STAB1: variants seen among roughly 807,000 people sequenced by gnomAD.
STAB1 encodes stabilin-1.
Under a neutral mutation model 332.4 loss-of-function variants are expected in STAB1, and 250 were observed. The ratio of observed to expected loss-of-function variants is 0.75; its 90% CI spans 0.68 to 0.84. The LOEUF (loss-of-function observed/expected upper bound fraction) is 0.84. Ranked by LOEUF, STAB1 falls within the 40% of genes least tolerant of loss-of-function variation. The pLI is 0.00. For synonymous variants in STAB1, 1,475 were observed against 1,390.4 expected, an observed-to-expected ratio of 1.06 and a Z score of -1.35; for missense variants, 3,249 against 3,489.7, an observed-to-expected ratio of 0.93 and a Z score of 1.74.
rs772925206 is a variant in STAB1, at chr3:52,522,027, C to T, written c.6272-10C>T. On this transcript the variant is annotated splice_polypyrimidine_tract_variant and intron_variant, in intron 58 of 68. Transcript: ENST00000321725. ...GTCACTAGGTCCAACCACTCCCTCC[C>T]TGCCCTCAGTGGCAGACCTGTGCCA... is the stretch of plus-strand genomic sequence containing the variant. 1.9e-6 allele frequency: 3 copies of T among 1,612,900 alleles called. No homozygotes were observed. The highest frequency in any genetic ancestry group is 2.7e-5 in the African/African-American group (2 of 74,938).
rs1240451957 is a variant in STAB1, at chr3:52,520,206, C to T, written c.5415C>T (p.Ala1805=). ...LRGHMIRNVE[A]LASDLPNLGP... is the part of the protein sequence containing the mutation. ...CAACCATGACTCCACTTGCTCAGGC[C>T]TTGGCATCTGACCTGCCCAACCTGG... Residue 1805 remains alanine (A), a splice_region_variant and synonymous_variant, in exon 52 of 69, where the codon GCC becomes GCT. Coordinates refer to ENST00000321725, the MANE Select transcript of STAB1 (RefSeq NM_015136.3). 6 of 1,613,084 alleles carry T rather than the reference C, an allele frequency of 3.7e-6. No homozygotes were observed. In the East Asian group the frequency reaches 1.1e-4, roughly 30 times the overall value.
In STAB1 at chr3:52,516,648, G is replaced by A. The variant is rs187563931; in HGVS notation, c.4287-44G>A. ...GCGGGGAGCCTGGGGGTCAAGGCAC[G>A]ACTGGACAGGCATGGGCTAAGCTGC... On this transcript the variant is annotated intron_variant, in intron 40 of 68. Transcript: ENST00000321725. The A allele has an allele frequency of 1.5e-4, 236 of 1,612,316 alleles. 1 individual carries two copies. In the East Asian group the frequency reaches 1.5e-3, roughly 10 times the overall value.
Position 52,518,766 on chromosome 3 carries a change from G to T in STAB1, c.4931G>T (p.Arg1644Leu), listed in dbSNP as rs372853226. 1 of 1,612,536 alleles carries T rather than the reference G, an allele frequency of 6.2e-7. No homozygotes were observed. Among genetic ancestry groups the T allele is most frequent in the Admixed American group, 1.7e-5 (1 of 59,988 alleles). The change falls in exon 48 of 69, where the codon CGC (arginine) becomes CTC (leucine). Residue 1644 changes from arginine to leucine, a missense_variant. Arg to Leu is a moderately radical substitution (Grantham distance 102). Coordinates refer to ENST00000321725, the MANE Select transcript of STAB1 (RefSeq NM_015136.3). Reference protein sequence around the residue: ...RIRAHRQLVFRYHVVGCRRLR... With the variant: ...RIRAHRQLVFLYHVVGCRRLR... ...CGTGCGCATCGCCAGCTGGTGTTTC[G>T]CTACCACGTGGTTGGCTGTCGGCGG...
In STAB1 at chr3:52,522,285, G is replaced by A. The variant is rs770922183; in HGVS notation, c.6466-45G>A. The A allele has an allele frequency of 1.1e-5, 17 of 1,611,304 alleles. No homozygotes were observed. In the South Asian group the frequency reaches 1.1e-4, roughly 10 times the overall value. On this transcript the variant is annotated intron_variant, in intron 59 of 68. Coordinates refer to ENST00000321725, the MANE Select transcript of STAB1 (RefSeq NM_015136.3). ...GGTGGGGAGGCCTGGCAGAACTTCC[G>A]ACCTCTGAAGGGTGAAGGGCGCCCA...
chr3:52,506,817 G>A lies in STAB1; in HGVS notation c.1956G>A (p.Lys652=), dbSNP rs745746238. 7.4e-6 allele frequency: 12 copies of A among 1,613,058 alleles called. No individual in the cohort carries two copies. The East Asian group carries it at 2.5e-4, about 33-fold the overall frequency. The change falls in exon 18 of 69, where the codon AAG becomes AAA. Residue 652 remains lysine, a synonymous_variant. Transcript: ENST00000321725. The part of the protein sequence containing the change: ...LPPTILPILP[K]HCSEEQHKIV... ...CGACCATCCTGCCCATCCTGCCCAA[G>A]CACTGCAGCGAGGAGCAGCACAAGA...
Position 52,516,154 on chromosome 3 carries a change from G to A in STAB1, c.4060G>A (p.Gly1354Arg), listed in dbSNP as rs372115462. Residue 1354 changes from glycine (G) to arginine (R), a missense_variant, in exon 38 of 69, where the codon GGG (glycine) becomes AGG (arginine). By Grantham distance (125) the Gly-to-Arg change is moderately radical. Transcript: ENST00000321725. ...GQCQDRFLGS[G>R]ECHCHEGFHG... ...GTGCCAGGACAGGTTCCTGGGCAGC[G>A]GGGAGTGCCACTGCCACGAGGGCTT... 27 of 1,612,254 alleles carry A rather than the reference G, an allele frequency of 1.7e-5. No homozygotes were observed. The highest frequency in any genetic ancestry group is 2.2e-5 in the East Asian group (1 of 44,882).
intron 47 of STAB1, 49 bp downstream of exon 47, chr3:52,518,662 T>C (rs375732221): frequency 3.7e-6 from 6 of 1,611,436 alleles, no homozygotes; most frequent in Non-Finnish European, 5.1e-6. Context: ...GCTCTGGTGG[T>C]GGCCCTGCGT....
At chr3:52,518,226 C>T in intron 45 of STAB1, 86 bp from the exon 46 acceptor site, 1 of 1,591,316 alleles carries the variant, frequency 6.3e-7, no homozygotes, top group Non-Finnish European at 8.6e-7. Flanking sequence ...TCTGCCTTGG[C>T]TAGACCTTGG....
At chr3:52,511,845 C>A in intron 26 of STAB1, 100 bp downstream of exon 26, 2 of 930,638 alleles carry the variant, frequency 2.1e-6, no homozygotes, top group African/African-American at 1.7e-5. Flanking sequence ...TCTCTCTGTA[C>A]CCCCTCAGGA....
Position 52,521,551 on chromosome 3 carries a change from C to T in STAB1, c.6058+41C>T, listed in dbSNP as rs1423157978. On this transcript the variant is annotated intron_variant, in intron 56 of 68. Transcript: ENST00000321725. ...CTGCCCCACGGCCCGATTCCTTTGGCCCTTGTGGGCCAATCTTTATCTTCC... is the reference window on the plus strand; with the variant it reads ...CTGCCCCACGGCCCGATTCCTTTGGTCCTTGTGGGCCAATCTTTATCTTCC... 4 of 1,613,546 alleles carry T rather than the reference C, an allele frequency of 2.5e-6. No homozygotes were observed. The African/African-American group carries it at 4.0e-5, about 16-fold the overall frequency.
At position 52,523,555 on chromosome 3, in the gene STAB1, C is replaced by A. The variant is rs532988190; in HGVS notation, c.7269C>A (p.Asp2423Glu). 1.6e-4 allele frequency: 264 copies of A among 1,612,864 alleles called. 4 individuals carry two copies. The South Asian group carries it at 2.6e-3, about 16-fold the overall frequency. Reference protein sequence around the residue: ...LSLIISDAGPDNSSWAPVAPG... With the variant: ...LSLIISDAGPENSSWAPVAPG... ...TCATCATCAGTGACGCAGGCCCTGA[C>A]AACAGTTCCTGGGCCCCTGTGGTGA... Residue 2423 changes from aspartate to glutamate, a missense_variant, in exon 65 of 69, where the codon GAC becomes GAA. By Grantham distance (45) the Asp-to-Glu change is conservative. Coordinates refer to ENST00000321725, the MANE Select transcript of STAB1 (RefSeq NM_015136.3).
At position 52,509,260 on chromosome 3, in the gene STAB1, C is replaced by T. The variant is rs1709113526; in HGVS notation, c.2286C>T (p.Tyr762=). 2 of 1,613,520 alleles carry T rather than the reference C, an allele frequency of 1.2e-6. No homozygotes were observed. The highest frequency in any genetic ancestry group is 1.3e-5 in the African/African-American group (1 of 75,066). ...GNGACLCFPD[Y]KGIACHICSN... The stretch of plus-strand genomic sequence containing the variant: ...GGGCCTGCCTCTGCTTCCCAGACTA[C>T]AAGGGCATCGCCTGCCACATCTGCT... Residue 762 remains tyrosine, a synonymous_variant, in exon 22 of 69, where the codon TAC becomes TAT. Transcript: ENST00000321725.
Position 52,514,340 on chromosome 3 carries a change from C to T in STAB1, c.3547-25C>T, listed in dbSNP as rs202161867. On this transcript the variant is annotated intron_variant, in intron 33 of 68. Coordinates refer to ENST00000321725, the MANE Select transcript of STAB1 (RefSeq NM_015136.3). ...AGGGCACTTGGTTATCCTGCAGTCC[C>T]CTGGGTTCTCTCCTTCTCTTCCAGG... is the stretch of plus-strand genomic sequence containing the variant. 163 of 1,550,630 alleles carry T rather than the reference C, an allele frequency of 1.1e-4. 1 individual carries two copies. Among genetic ancestry groups the T allele is most frequent in the Middle Eastern group, 3.8e-4 (2 of 5,230 alleles).
At position 52,516,352 on chromosome 3, in the gene STAB1, G is replaced by A. The variant is rs1297264852; in HGVS notation, c.4145-4G>A. 2.5e-6 allele frequency: 4 copies of A among 1,606,950 alleles called. No individual in the cohort carries two copies. In the Admixed American group the frequency reaches 6.7e-5, roughly 27 times the overall value. On this transcript the variant is annotated splice_region_variant and splice_polypyrimidine_tract_variant and intron_variant, in intron 38 of 68. Coordinates refer to ENST00000321725, the MANE Select transcript of STAB1 (RefSeq NM_015136.3). ...AACTCCTATCCTCCTTTATACCACT[G>A]CAGTGTGTGACTGTGCCCATGGGCT... is the stretch of plus-strand genomic sequence containing the variant.
rs750703203 is a variant in STAB1, at chr3:52,512,448, T to G, written c.2979+12T>G. On this transcript the variant is annotated intron_variant, in intron 27 of 68. Coordinates refer to ENST00000321725, the MANE Select transcript of STAB1 (RefSeq NM_015136.3). The stretch of plus-strand genomic sequence containing the variant: ...GAGACATCTTCCGGGTAAGGGGTGC[T>G]CAGACTCGTTTTCTGTCTTCCCCGT... 1 of 1,610,160 alleles carries G rather than the reference T, an allele frequency of 6.2e-7. No homozygotes were observed. The highest frequency in any genetic ancestry group is 8.5e-7 in the Non-Finnish European group (1 of 1,177,860).
chr3:52,513,105 AC>A, intron 29 of STAB1, 24 bp from the exon 30 acceptor site: 3 of 1,554,710 alleles, frequency 1.9e-6, no homozygotes, highest in South Asian at 1.2e-5. Flanking sequence ...TGATTCCATG[AC>A]CCCCCTAAAC....
At chr3:52,518,108 C>T in intron 45 of STAB1, 105 bp downstream of exon 45, 3 of 1,521,166 alleles carry the variant, frequency 2.0e-6, no homozygotes, top group Non-Finnish European at 2.6e-6. Flanking sequence ...CTGGCCCTGA[C>T]CATGACACTG....
At position 52,505,722 on chromosome 3, in the gene STAB1, C is replaced by T. The variant is rs781533237; in HGVS notation, c.1636C>T (p.Pro546Ser). 23 of 1,613,766 alleles carry T rather than the reference C, an allele frequency of 1.4e-5. No homozygotes were observed. In the African/African-American group the frequency reaches 2.1e-4, roughly 15 times the overall value. The change falls in exon 15 of 69, where the codon CCA becomes TCA. Residue 546 changes from proline to serine, a missense_variant. By Grantham distance (74) the Pro-to-Ser change is moderately conservative (BLOSUM62 -1). Transcript: ENST00000321725. ...ACCTGGGCCCTTCACAGTCTTTGCCCCAAGCAATGAGGCTGTGGACAGCTT... is the reference window on the plus strand; with the variant it reads ...ACCTGGGCCCTTCACAGTCTTTGCCTCAAGCAATGAGGCTGTGGACAGCTT... ...DGPGPFTVFAPSNEAVDSLRD... is the reference protein window; with the variant it reads ...DGPGPFTVFASSNEAVDSLRD...
At position 52,516,102 on chromosome 3, in the gene STAB1, A is replaced by G. The variant is rs1270298230; in HGVS notation, c.4008A>G (p.Leu1336=). The change falls in exon 38 of 69, where the codon CTA becomes CTG. Residue 1336 remains leucine (L), a synonymous_variant. Coordinates refer to ENST00000321725, the MANE Select transcript of STAB1 (RefSeq NM_015136.3). ...GTLCEPCPGG[L]GGVCSGHGQC... ...TGTGTGAGCCATGCCCAGGGGGTCTAGGGGGGGTGTGCTCAGGCCATGGGC... is the reference window on the plus strand; with the variant it reads ...TGTGTGAGCCATGCCCAGGGGGTCTGGGGGGGGTGTGCTCAGGCCATGGGC... 2 of 1,611,346 alleles carry G rather than the reference A, an allele frequency of 1.2e-6. No homozygotes were observed. The highest frequency in any genetic ancestry group is 1.7e-6 in the Non-Finnish European group (2 of 1,179,344).
Sources: gnomAD v4.1 joint callset for allele counts on GRCh38, gnomAD v4.1.1 for gene constraint, MANE v1.5 for transcripts, NCBI Gene and HGNC (gene_info 2026-07-23, HGNC 2026-07-21) for gene names.